The following MGST1 variants were observed in gnomAD, a reference collection of about 807,000 sequenced individuals.
MGST1 encodes microsomal glutathione S-transferase 1.
In MGST1, 5 loss-of-function variants were observed where a neutral mutation model predicts 8.9. The ratio of observed to expected loss-of-function variants is 0.56; its 90% confidence interval spans 0.29 to 1.19. The LOEUF (loss-of-function observed/expected upper bound fraction) is 1.19. Ranked by LOEUF, MGST1 falls within the 50% of genes most tolerant of loss-of-function variation. The pLI is 0.08. For synonymous variants in MGST1, 54 were observed against 67.8 expected, an observed-to-expected ratio of 0.80 and a Z score of 1.00; for missense variants, 182 against 187.4, an observed-to-expected ratio of 0.97 and a Z score of 0.17.
At chr12:16,402,236 A>T in intron 1 of MGST1, 1 of 1,587,366 alleles carries the variant, frequency 6.3e-7, no homozygotes, top group South Asian at 1.1e-5. Flanking sequence ...TGGTAGTATC[A>T]GTTAGTTCAT....
At position 16,546,853 on chromosome 12, in the gene MGST1, CA is replaced by C. The variant is rs150254598; in HGVS notation, n.483-42668del. ...CCACCCCAACCAAGCCTGCCAAAAG[CA>C]AAAAAATGTCATTTTGTGGTACCAA... On this transcript the variant is annotated intron_variant and non_coding_transcript_variant, in intron 4 of 4. Transcript: ENST00000538857. This position sits in a 1 kb window ranked among gnomAD's most constrained non-coding sequence, Gnocchi z 4.7. Among the ~76,000 whole-genome samples the C allele has an allele frequency of 4.6e-5, 7 of 151,518 alleles. No homozygotes were observed. Among genetic ancestry groups the C allele is most frequent in the African/African-American group, 1.2e-4 (5 of 41,350 alleles).
intron 1 of MGST1, chr12:16,402,410 G>A (rs2137063999): frequency 1.2e-6 from 2 of 1,604,522 alleles, no homozygotes; most frequent in Non-Finnish European, 8.5e-7. Flanking sequence ...TTTGTCCAGA[G>A]TCACAGCCAT....
intron 4 of MGST1, among the ~76,000 whole-genome samples, chr12:16,445,188 G>A (rs1319584060): frequency 2.0e-5 from 3 of 151,634 alleles, no homozygotes; most frequent in Non-Finnish European, 4.4e-5. Flanking sequence ...CCAGAGCAAT[G>A]TTCTTAGGTG....
intron 4 of MGST1, among the ~76,000 whole-genome samples, chr12:16,581,753 A>G (rs1943165951): frequency 3.9e-5 from 6 of 152,132 alleles, no homozygotes; most frequent in Admixed American, 3.9e-4. Context: ...TCCTTTAAAA[A>G]GATTTCTTCA....
At chr12:16,534,142 C>T (rs909864717) in intron 4 of MGST1, among the ~76,000 whole-genome samples, 10 of 152,070 alleles carry the variant, frequency 6.6e-5, no homozygotes, top group African/African-American at 2.4e-4. Flanking sequence ...ATTTAGCTTA[C>T]TTTTCCAAAC....
chr12:16,470,371 G>C (rs1381577859), intron 4 of MGST1, among the ~76,000 whole-genome samples: 1 of 152,190 alleles, frequency 6.6e-6, no homozygotes, highest in Non-Finnish European at 1.5e-5. Flanking sequence ...CAATTAGGTT[G>C]AGTTTGCTTT....
intron 4 of MGST1, among the ~76,000 whole-genome samples, chr12:16,511,673 G>T (rs1941578388): frequency 1.3e-5 from 2 of 152,144 alleles, no homozygotes; most frequent in Admixed American, 1.3e-4. Flanking sequence ...AGAATGCAAA[G>T]AATATTAGAT....
chr12:16,446,098 G>A (rs933926941), intron 4 of MGST1, among the ~76,000 whole-genome samples: 2 of 151,888 alleles, frequency 1.3e-5, no homozygotes, highest in African/African-American at 4.8e-5. Context: ...TCTGACCAGA[G>A]CACCGTTTGC....
chr12:16,546,245 A>G lies in MGST1; in HGVS notation n.483-43283A>G, dbSNP rs1332655512. 6.6e-6 allele frequency among the ~76,000 whole-genome samples: 1 copy of G among 152,118 alleles called. No homozygotes were observed. The highest frequency in any genetic ancestry group is 1.5e-5 in the Non-Finnish European group (1 of 68,012). ...AACTCTTCTCCAGGAGCAGGGTGAA[A>G]AAAGATTTTGATTATGTATTATCTG... On this transcript the variant is annotated intron_variant and non_coding_transcript_variant, in intron 4 of 4. Coordinates refer to the MGST1 transcript ENST00000538857. The surrounding 1 kb of genome is among the most constrained non-coding windows in gnomAD (Gnocchi z 4.7).
chr12:16,566,015 TATATATATATATATATATATATATAA>T (rs1206678767), intron 4 of MGST1, among the ~76,000 whole-genome samples: 1 of 80,590 alleles, frequency 1.2e-5, no homozygotes, highest in East Asian at 4.4e-4. Flanking sequence ...TATATATATA[TATATATATATATATATATATATATAA>T]AATGGAGTAC....
At chr12:16,533,792 C>T (rs1941737893) in intron 4 of MGST1, among the ~76,000 whole-genome samples, 1 of 151,740 alleles carries the variant, frequency 6.6e-6, no homozygotes, top group Non-Finnish European at 1.5e-5. Flanking sequence ...CAAACACTGA[C>T]AAGGGTGTAT....
chr12:16,444,534 G>T (rs1165652689), intron 4 of MGST1, among the ~76,000 whole-genome samples: 1 of 151,862 alleles, frequency 6.6e-6, no homozygotes, highest in Non-Finnish European at 1.5e-5. Context: ...ACTCCTACAT[G>T]TGACTTCAAT....
upstream of MGST1, chr12:16,347,202 A>AG (rs1479617189): frequency 1.3e-5 from 2 of 152,336 alleles, no homozygotes; most frequent in Admixed American, 6.5e-5. The surrounding 1 kb of genome is among the most constrained non-coding windows in gnomAD (Gnocchi z 4.0). Flanking sequence ...ATCTTTACTG[A>AG]GGGTTACATT....
chr12:16,470,226 A>G (rs2137133735), intron 4 of MGST1, among the ~76,000 whole-genome samples: 1 of 152,324 alleles, frequency 6.6e-6, no homozygotes. Flanking sequence ...TATTTGAGCT[A>G]ATAGCTATGT....
At chr12:16,377,151 T>C (rs1298085790) in exon 4 of MGST1, 1 of 152,104 alleles carries the variant, frequency 6.6e-6, no homozygotes, top group East Asian at 1.9e-4. Context: ...GTGTGTTTTT[T>C]AAATTTTATT....
intron 1 of MGST1, chr12:16,399,825 T>C: frequency 3.3e-6 from 4 of 1,220,292 alleles, no homozygotes; most frequent in Non-Finnish European, 1.2e-6. Flanking sequence ...TTGATCATGG[T>C]CACTTTCTTG....
intron 1 of MGST1, chr12:16,402,222 A>G (rs923789261): frequency 6.3e-7 from 1 of 1,587,086 alleles, no homozygotes; most frequent in Non-Finnish European, 8.7e-7. Flanking sequence ...ATCACAAAAG[A>G]CCATGGTAGT....
At chr12:16,557,522 C>T (rs183655722) in intron 4 of MGST1, among the ~76,000 whole-genome samples, 2 of 152,076 alleles carry the variant, frequency 1.3e-5, no homozygotes, top group East Asian at 3.9e-4. Context: ...CTGTTATATA[C>T]CTTGTTTAAG....
intron 4 of MGST1, among the ~76,000 whole-genome samples, chr12:16,541,523 A>C (rs1055143206): frequency 1.3e-5 from 2 of 152,198 alleles, no homozygotes; most frequent in African/African-American, 4.8e-5. Context: ...ATAAGAACTA[A>C]GCCTTCCCCA....
Sources: gnomAD v4.1 joint callset for allele counts (sites outside exome capture counted in the v4.1 genomes callset) on GRCh38, gnomAD v4.1.1 for gene constraint, Gnocchi (gnomAD v3.1) non-coding constraint, MANE v1.5 for transcripts, NCBI Gene and HGNC (gene_info 2026-07-23, HGNC 2026-07-21) for gene names.